PCDH15: variants seen among roughly 807,000 people sequenced by gnomAD.
PCDH15 encodes protocadherin-15.
PCDH15 carries 129 observed loss-of-function variants against 178.5 expected under a neutral mutation model. The ratio of observed to expected loss-of-function variants is 0.72; its 90% CI spans 0.63 to 0.84. The LOEUF (loss-of-function observed/expected upper bound fraction) is 0.84, where lower values mean the gene tolerates loss of function less well. Ranked by LOEUF, PCDH15 falls within the 40% of genes least tolerant of loss-of-function variation. The pLI is 0.00. For missense variants in PCDH15, 2,230 were observed against 2,099.9 expected, an observed-to-expected ratio of 1.06 and a Z score of -1.21; for synonymous variants, 800 against 732.0, an observed-to-expected ratio of 1.09 and a Z score of -1.50.
chr10:54,655,598 A>G (rs1244883442), intron 2 of PCDH15: 1 of 152,086 alleles, frequency 6.6e-6, no homozygotes, highest in East Asian at 1.9e-4. Context: ...AGAGTCTATT[A>G]CTGGAATACG....
intron 1 of PCDH15, among the ~76,000 whole-genome samples, chr10:54,697,751 G>A (rs2095255499): frequency 6.6e-6 from 1 of 150,862 alleles, no homozygotes. Context: ...AGGAAGGCAA[G>A]GAAGGCCGGC....
At chr10:55,241,669 T>C (rs1289223478) in intron 1 of PCDH15, among the ~76,000 whole-genome samples, 1 of 152,118 alleles carries the variant, frequency 6.6e-6, no homozygotes, top group Non-Finnish European at 1.5e-5. Flanking sequence ...GCAATCCTCC[T>C]GCCTTGGCCT....
intron 3 of PCDH15, among the ~76,000 whole-genome samples, chr10:54,430,904 T>G (rs1333419998): frequency 2.0e-5 from 3 of 151,754 alleles, no homozygotes; most frequent in African/African-American, 7.3e-5. Context: ...CCCAAATAAA[T>G]AAAAGTGGAG....
chr10:53,904,213 T>C (rs533239773), intron 25 of PCDH15, among the ~76,000 whole-genome samples: 8 of 152,350 alleles, frequency 5.3e-5, no homozygotes, highest in African/African-American at 1.9e-4. Context: ...AAAAAAATAG[T>C]CAAATAAGTA....
chr10:55,520,627 G>T lies in PCDH15; in HGVS notation c.-156+106998C>A, dbSNP rs959885944. Among the ~76,000 whole-genome samples the T allele has an allele frequency of 7.3e-5, 11 of 150,790 alleles. No individual in the cohort carries two copies. In the South Asian group the frequency reaches 8.4e-4, roughly 11 times the overall value. ...ACATAATATTTCCAATCCACTAAAA[G>T]AATTCTCCATAGTATAATGTTAACT... On this transcript the variant is annotated intron_variant, in intron 2 of 5. Coordinates refer to the PCDH15 transcript ENST00000613346.
At chr10:54,753,879 T>G (rs7907893) in intron 1 of PCDH15, among the ~76,000 whole-genome samples, 7,307 of 61,330 alleles carry the variant, frequency 0.12, 598 homozygotes, top group African/African-American at 0.31. Flanking sequence ...TGTTGTTGTT[T>G]TTTTGTTTGT....
chr10:55,354,109 T>C (rs1900492), intron 2 of PCDH15, among the ~76,000 whole-genome samples: 26,803 of 152,024 alleles, frequency 0.18, 2,469 homozygotes, highest in South Asian at 0.24. Flanking sequence ...CACATAGTGA[T>C]AGTTTATTCC....
intron 2 of PCDH15, among the ~76,000 whole-genome samples, chr10:55,463,991 G>GAAAGAGAAAGAAAGAAAGAA (rs1459820713): frequency 4.7e-5 from 1 of 21,108 alleles, no homozygotes; most frequent in Admixed American, 5.6e-4. Context: ...AAGAAAGAAA[G>GAAAGAGAAAGAAAGAAAGAA]AGAAAGAAAG....
chr10:54,390,241 C>T (rs12767627), intron 3 of PCDH15, among the ~76,000 whole-genome samples: 6,520 of 152,250 alleles, frequency 0.043, 176 homozygotes, highest in Admixed American at 0.095. Context: ...CACTCCCATG[C>T]ATGATTTCTA....
intron 25 of PCDH15, among the ~76,000 whole-genome samples, chr10:53,914,604 G>A (rs951135123): frequency 5.3e-5 from 8 of 152,124 alleles, no homozygotes; most frequent in African/African-American, 1.9e-4. Context: ...TCACACACCA[G>A]GGCCTGTTGT....
At position 53,941,035 on chromosome 10, in the gene PCDH15, C is replaced by T. The variant is rs1039855679; in HGVS notation, c.3123-60G>A. On this transcript the variant is annotated intron_variant, in intron 23 of 37. Coordinates refer to ENST00000644397, the MANE Select transcript of PCDH15 (RefSeq NM_001384140.1). ...AAATATAATTTTTGATGTAACTTTA[C>T]GTTCACAGAAAAATTGAGAGAAAGA... 1.8e-4 allele frequency: 209 copies of T among 1,191,280 alleles called. 1 individual carries two copies. Among genetic ancestry groups the T allele is most frequent in the South Asian group, 3.6e-4 (28 of 77,724 alleles). 73.8% of individuals were successfully genotyped at this position (1,191,280 alleles called of 1,614,324 possible). A position where few individuals can be genotyped will look rare whatever the true frequency, so the allele number is the denominator to read the frequency against.
At chr10:54,842,664 T>A (rs569156313) in intron 3 of PCDH15, among the ~76,000 whole-genome samples, 15 of 152,018 alleles carry the variant, frequency 9.9e-5, no homozygotes, top group Middle Eastern at 3.4e-3. Flanking sequence ...TCTGCTTACA[T>A]CCTTGCTCCA....
At chr10:55,276,230 G>A (rs1455339174) in intron 1 of PCDH15, among the ~76,000 whole-genome samples, 1 of 150,390 alleles carries the variant, frequency 6.6e-6, no homozygotes, top group East Asian at 2.0e-4. Context: ...AAACTCTTAA[G>A]ATTCTCTAAT....
chr10:54,645,657 G>A (rs914941970), intron 2 of PCDH15, among the ~76,000 whole-genome samples: 1 of 152,150 alleles, frequency 6.6e-6, no homozygotes, highest in African/African-American at 2.4e-5. Flanking sequence ...AGTATTATGA[G>A]TGTTCTAAGA....
intron 1 of PCDH15, among the ~76,000 whole-genome samples, chr10:55,206,327 T>G (rs891360704): frequency 8.5e-5 from 13 of 152,158 alleles, no homozygotes; most frequent in African/African-American, 2.9e-4. Flanking sequence ...AGTTGTGATC[T>G]AGCTTTTGCT....
intron 1 of PCDH15, among the ~76,000 whole-genome samples, chr10:54,689,691 G>T (rs988117378): frequency 3.9e-5 from 6 of 152,136 alleles, no homozygotes; most frequent in African/African-American, 1.4e-4. Context: ...CTATTTGCAT[G>T]ACTGTGTTAT....
chr10:55,514,066 C>T (rs1200252518), intron 2 of PCDH15, among the ~76,000 whole-genome samples: 2 of 151,780 alleles, frequency 1.3e-5, no homozygotes, highest in Non-Finnish European at 2.9e-5. Context: ...TTTTTTTTTA[C>T]CCACTACCAT....
At chr10:53,879,714 T>C (rs2080552217) in intron 26 of PCDH15, among the ~76,000 whole-genome samples, 1 of 152,204 alleles carries the variant, frequency 6.6e-6, no homozygotes, top group Admixed American at 6.5e-5. Flanking sequence ...AATATGTCTA[T>C]GTGCCTCAGC....
chr10:55,589,557 C>T lies in PCDH15; in HGVS notation c.-156+38068G>A, dbSNP rs1456795650. Among the ~76,000 whole-genome samples, 4 of 152,024 alleles carry T rather than the reference C, an allele frequency of 2.6e-5. No individual in the cohort carries two copies. The East Asian group carries it at 7.7e-4, about 29-fold the overall frequency. Reference sequence around the variant, plus strand: ...CACAATGGGAGAAAATTTTCGCAACCTACTCATCTGACAAAGGGCTAATAT... The same window carrying T: ...CACAATGGGAGAAAATTTTCGCAACTTACTCATCTGACAAAGGGCTAATAT... On this transcript the variant is annotated intron_variant, in intron 2 of 5. Transcript: ENST00000613346.
Sources: allele counts gnomAD v4.1 joint callset (sites outside exome capture counted in the v4.1 genomes callset), GRCh38; gene constraint gnomAD v4.1.1; transcripts MANE v1.5; gene names NCBI Gene and HGNC (gene_info 2026-07-23, HGNC 2026-07-21).